Variants in COX10 observed in about 807,000 individuals in gnomAD.
The protein encoded by COX10 is cytochrome c oxidase assembly factor heme A:farnesyltransferase COX10, also known as protoheme IX farnesyltransferase, mitochondrial.
Under a neutral mutation model 37.3 loss-of-function variants are expected in COX10, and 27 were observed. The observed-to-expected ratio is 0.72, with a 90% CI of 0.53 to 1.00. COX10 has a LOEUF of 1.00. Among genes scored for constraint, COX10 ranks in the 50% least tolerant of loss-of-function variants. The pLI, the probability that COX10 is intolerant of heterozygous loss-of-function variation, is 0.00. For missense variants in COX10, 475 were observed against 563.2 expected, an observed-to-expected ratio of 0.84 and a Z score of 1.59; for synonymous variants, 222 against 229.1, an observed-to-expected ratio of 0.97 and a Z score of 0.28.
At chr17:14,150,576 A>G (rs1313322922) in intron 4 of COX10, among the ~76,000 whole-genome samples, 1 of 152,178 alleles carries the variant, frequency 6.6e-6, no homozygotes, top group Non-Finnish European at 1.5e-5. Context: ...CCTTTCCCTC[A>G]CTTCCCTTGT....
intron 4 of COX10, among the ~76,000 whole-genome samples, chr17:14,138,150 G>T (rs1436439131): frequency 2.0e-5 from 3 of 152,012 alleles, no homozygotes; most frequent in Non-Finnish European, 4.4e-5. Context: ...TGTAGCTCTT[G>T]ATCAGTTCTT....
intron 4 of COX10, among the ~76,000 whole-genome samples, chr17:14,157,777 C>A (rs146278731): frequency 1.1e-3 from 161 of 152,320 alleles, no homozygotes; most frequent in African/African-American, 3.7e-3. Flanking sequence ...CACTCTTGGG[C>A]TGCAGCAGTG....
rs181500487 is a variant in COX10, at chr17:14,144,184, A to G, written c.625-15693A>G. On this transcript the variant is annotated intron_variant, in intron 4 of 6. Transcript: ENST00000261643. ...TGTTTGGACCTCTGTAGATTTGCCA[A>G]TTTTATTGATTAGTATGTGGTATAA... is the stretch of plus-strand genomic sequence containing the variant. 9.2e-5 allele frequency among the ~76,000 whole-genome samples: 14 copies of G among 151,624 alleles called. 1 individual carries two copies. In the South Asian group the frequency reaches 1.5e-3, roughly 16 times the overall value.
chr17:14,186,668 A>G (rs78698940), intron 5 of COX10, among the ~76,000 whole-genome samples: 2,415 of 149,298 alleles, frequency 0.016, 86 homozygotes, highest in African/African-American at 0.05. Flanking sequence ...CAGGGAATGC[A>G]GTATTAGGCT....
chr17:14,168,465 C>G (rs1905356160), intron 5 of COX10, among the ~76,000 whole-genome samples: 1 of 152,220 alleles, frequency 6.6e-6, no homozygotes. Context: ...AGTGGGGACT[C>G]TATATGGGGG....
intron 5 of COX10, among the ~76,000 whole-genome samples, chr17:14,186,165 C>T (rs1376916976): frequency 2.6e-5 from 4 of 152,164 alleles, no homozygotes; most frequent in Admixed American, 1.3e-4. Context: ...TGCTGACTTC[C>T]ACATGGCAGG....
At chr17:14,099,256 C>T (rs1475033730) in intron 3 of COX10, among the ~76,000 whole-genome samples, 1 of 152,088 alleles carries the variant, frequency 6.6e-6, no homozygotes, top group Non-Finnish European at 1.5e-5. Context: ...TGCCAAAATA[C>T]TTGTGCTCTA....
In COX10 at chr17:14,134,641, T is replaced by C. The variant is rs544829543; in HGVS notation, c.625-25236T>C. Reference sequence around the variant, plus strand: ...AAAGAATATGTGTGGTGTAACACACTCTTGGAGAGGATTTCAAAAGTAATT... The same window carrying C: ...AAAGAATATGTGTGGTGTAACACACCCTTGGAGAGGATTTCAAAAGTAATT... On this transcript the variant is annotated intron_variant, in intron 4 of 6. Transcript: ENST00000261643. 4.6e-5 allele frequency among the ~76,000 whole-genome samples: 7 copies of C among 151,960 alleles called. No individual in the cohort carries two copies. The South Asian group carries it at 1.4e-3, about 31-fold the overall frequency.
At chr17:14,126,935 T>C (rs1191306246) in intron 4 of COX10, among the ~76,000 whole-genome samples, 1 of 139,424 alleles carries the variant, frequency 7.2e-6, no homozygotes, top group Non-Finnish European at 1.5e-5. Flanking sequence ...ATTTGGTCTC[T>C]GATTTGTTTT....
intron 2 of COX10, among the ~76,000 whole-genome samples, chr17:14,075,960 C>A (rs960509022): frequency 7.0e-6 from 1 of 143,644 alleles, no homozygotes; most frequent in African/African-American, 2.6e-5. Flanking sequence ...CCACTGGACT[C>A]CATCCTGGGC....
chr17:14,192,606 G>A (rs2142263515), intron 6 of COX10, among the ~76,000 whole-genome samples: 1 of 152,254 alleles, frequency 6.6e-6, no homozygotes, highest in Non-Finnish European at 1.5e-5. Flanking sequence ...CCATCAAAGG[G>A]GTTTCGTCTC....
chr17:14,185,065 C>A (rs1381240670), intron 5 of COX10, among the ~76,000 whole-genome samples: 1 of 150,454 alleles, frequency 6.6e-6, no homozygotes, highest in Non-Finnish European at 1.5e-5. Flanking sequence ...CTTCTAGAAA[C>A]CAGATGTCAG....
intron 5 of COX10, among the ~76,000 whole-genome samples, chr17:14,169,328 G>A (rs776041269): frequency 3.3e-5 from 5 of 152,100 alleles, no homozygotes; most frequent in Non-Finnish European, 7.4e-5. Flanking sequence ...TGAGCATTTT[G>A]GTTAAAATCA....
intron 4 of COX10, among the ~76,000 whole-genome samples, chr17:14,132,784 T>G (rs1406460357): frequency 1.3e-5 from 2 of 151,666 alleles, no homozygotes; most frequent in African/African-American, 4.8e-5. Context: ...CTATGTTTAT[T>G]CTGATGCAAA....
intron 3 of COX10, among the ~76,000 whole-genome samples, chr17:14,083,701 A>AGG (rs1055945174): frequency 6.6e-6 from 1 of 152,204 alleles, no homozygotes; most frequent in African/African-American, 2.4e-5. Context: ...TTTTAAATGA[A>AGG]GGGAAGTAAG....
At chr17:14,097,966 CA>C (rs746583757) in intron 3 of COX10, among the ~76,000 whole-genome samples, 1 of 151,488 alleles carries the variant, frequency 6.6e-6, no homozygotes, top group Non-Finnish European at 1.5e-5. Flanking sequence ...AGAATAATGA[CA>C]GGAAAAAAAA....
chr17:14,083,883 T>C (rs1915353459), intron 3 of COX10, among the ~76,000 whole-genome samples: 1 of 152,196 alleles, frequency 6.6e-6, no homozygotes, highest in Non-Finnish European at 1.5e-5. Context: ...ATACTTAATA[T>C]AGGTCAGTAA....
At chr17:14,115,945 A>G (rs1916100181) in intron 4 of COX10, among the ~76,000 whole-genome samples, 2 of 152,192 alleles carry the variant, frequency 1.3e-5, no homozygotes, top group African/African-American at 4.8e-5. Flanking sequence ...TGAATACCCT[A>G]AGAGCCCAGA....
intron 3 of COX10, among the ~76,000 whole-genome samples, chr17:14,087,505 G>A (rs1449675315): frequency 2.0e-5 from 3 of 152,010 alleles, no homozygotes; most frequent in Admixed American, 6.6e-5. Flanking sequence ...ATTGTGTATC[G>A]GTTGAACGGA....
Sources: allele counts gnomAD v4.1 joint callset (sites outside exome capture counted in the v4.1 genomes callset), GRCh38; gene constraint gnomAD v4.1.1; transcripts MANE v1.5; gene names NCBI Gene and HGNC (gene_info 2026-07-23, HGNC 2026-07-21).